Variants in MEF2C observed in about 807,000 individuals in gnomAD.
MEF2C encodes the protein myocyte enhancer factor 2C.
Under a neutral mutation model 50.5 loss-of-function variants are expected in MEF2C, and 6 were observed. The ratio of observed to expected loss-of-function variants is 0.12; its 90% confidence interval spans 0.07 to 0.23. MEF2C has a LOEUF of 0.23. MEF2C is among the 10% of genes least tolerant of loss of function. MEF2C has a pLI of 1.00. For missense variants in MEF2C, 276 were observed against 605.0 expected (o/e 0.46, Z 5.70); for synonymous variants, 183 against 228.0 (o/e 0.80, Z 1.78).
At chr5:88,723,654 T>A (rs1166780548) in intron 10 of MEF2C, among the ~76,000 whole-genome samples, 2 of 152,246 alleles carry the variant, frequency 1.3e-5, no homozygotes, top group Non-Finnish European at 1.5e-5. Context: ...TGCAGTTACA[T>A]GAGATGAAAA....
chr5:88,813,830 G>A (rs1804015021), intron 2 of MEF2C, among the ~76,000 whole-genome samples: 1 of 151,858 alleles, frequency 6.6e-6, no homozygotes, highest in South Asian at 2.1e-4. Flanking sequence ...TTTGGGATTC[G>A]TATACCCAGC....
At chr5:88,884,187 G>C (rs1244544080), upstream of MEF2C, 2 of 152,244 alleles carry the variant, frequency 1.3e-5, no homozygotes, top group Non-Finnish European at 2.9e-5. Context: ...CAGCCAGCAG[G>C]AAAGTCCTTC....
chr5:88,728,945 A>G (rs1206160133), intron 9 of MEF2C, among the ~76,000 whole-genome samples: 1 of 152,196 alleles, frequency 6.6e-6, no homozygotes, highest in African/African-American at 2.4e-5. Flanking sequence ...ATCCTGAGAA[A>G]GTGAGCTTTT....
At chr5:88,849,022 C>A (rs1820321433) in intron 1 of MEF2C, among the ~76,000 whole-genome samples, 1 of 151,566 alleles carries the variant, frequency 6.6e-6, no homozygotes, top group Non-Finnish European at 1.5e-5. Context: ...ATGGTGGCGC[C>A]TGCCTGTAAT....
chr5:88,740,497 T>G, intron 6 of MEF2C: 1 of 982,698 alleles, frequency 1.0e-6, no homozygotes, highest in Non-Finnish European at 1.2e-6. Context: ...ATGAGGAAAC[T>G]GAGGCTTAAG....
At chr5:88,730,292 C>A in intron 7 of MEF2C, 58 bp from the exon 8 acceptor site, 2 of 1,537,092 alleles carry the variant, frequency 1.3e-6, no homozygotes, top group Non-Finnish European at 1.8e-6. Context: ...TATAATTGGG[C>A]AAAATCTTTT....
intron 3 of MEF2C, among the ~76,000 whole-genome samples, chr5:88,764,807 C>CAAAA (rs869119169): frequency 1.2e-3 from 87 of 73,542 alleles, no homozygotes; most frequent in African/African-American, 1.3e-3. Context: ...GACTCCATCT[C>CAAAA]AAAAAAAAAA....
intron 1 of MEF2C, among the ~76,000 whole-genome samples, chr5:88,876,021 ACT>A (rs1396822776): frequency 4.7e-5 from 7 of 148,008 alleles, no homozygotes; most frequent in African/African-American, 1.2e-4. Flanking sequence ...GAGTGTAATT[ACT>A]GTTTTTTAAA....
intron 3 of MEF2C, chr5:88,768,615 G>T (rs962913583): frequency 5.0e-5 from 44 of 885,902 alleles, no homozygotes; most frequent in Non-Finnish European, 4.7e-5. Flanking sequence ...GGCCTGGCAA[G>T]TGGTCGGAAC....
chr5:88,820,065 T>A (rs1807505134), intron 2 of MEF2C, among the ~76,000 whole-genome samples: 1 of 123,854 alleles, frequency 8.1e-6, no homozygotes, highest in Admixed American at 8.2e-5. Context: ...TTAATAAAAA[T>A]TATTTGTAAT....
chr5:88,730,234 A>T lies in MEF2C; in HGVS notation c.811T>A (p.Ser271Thr). 6.3e-7 allele frequency: 1 copy of T among 1,579,438 alleles called. No homozygotes were observed. Among genetic ancestry groups the T allele is most frequent in the Non-Finnish European group, 8.6e-7 (1 of 1,161,440 alleles). Residue 271 changes from serine (S) to threonine (T), a missense_variant and splice_region_variant, in exon 8 of 11, where the codon TCT (serine) becomes ACT (threonine). Physicochemically the swap from Ser to Thr is moderately conservative, Grantham distance 58 (BLOSUM62 1). Transcript: ENST00000504921. ...ACCAAAAGCAGGTCGACATCCTCAG[A>T]CTGAGAGCATGCGGAAGGAGTTTTA... ...PGSKNTMPSV[S>T]EDVDLLLNQR... is the part of the protein sequence containing the mutation.
At chr5:88,795,075 G>A (rs980421900) in intron 3 of MEF2C, among the ~76,000 whole-genome samples, 4 of 152,130 alleles carry the variant, frequency 2.6e-5, no homozygotes, top group Non-Finnish European at 5.9e-5. Context: ...GTCAGGTAGC[G>A]TGATGCCTTC....
chr5:88,901,693 T>C (rs1289840970), intron 1 of MEF2C, among the ~76,000 whole-genome samples: 2 of 151,958 alleles, frequency 1.3e-5, no homozygotes, highest in African/African-American at 4.8e-5. Flanking sequence ...AATAAACCAT[T>C]CCCATACATT....
At chr5:88,776,008 T>C (rs1222028523) in intron 3 of MEF2C, 3 of 162,136 alleles carry the variant, frequency 1.9e-5, no homozygotes, top group Admixed American at 1.3e-4. Context: ...CCCTTTTTGT[T>C]GATATATTTC....
intron 1 of MEF2C, chr5:88,824,427 CT>C: frequency 1.2e-6 from 1 of 834,640 alleles, no homozygotes; most frequent in Non-Finnish European, 1.4e-6. Context: ...TATGAAAGTG[CT>C]ATTTGATATA....
At chr5:88,851,567 T>C (rs1349900381) in intron 1 of MEF2C, among the ~76,000 whole-genome samples, 1 of 152,116 alleles carries the variant, frequency 6.6e-6, no homozygotes, top group Admixed American at 6.6e-5. Context: ...ACCCACTCAA[T>C]ATAAACAGCC....
chr5:88,901,126 G>A (rs1835609522), intron 1 of MEF2C, among the ~76,000 whole-genome samples: 1 of 152,028 alleles, frequency 6.6e-6, no homozygotes, highest in Non-Finnish European at 1.5e-5. Context: ...AGGGAAATGA[G>A]TTAATGACAA....
At chr5:88,786,681 T>A (rs545721323) in intron 3 of MEF2C, among the ~76,000 whole-genome samples, 1 of 150,648 alleles carries the variant, frequency 6.6e-6, no homozygotes, top group Admixed American at 6.6e-5. Context: ...CTGCTACATA[T>A]ACATACTACA....
intron 1 of MEF2C, chr5:88,843,471 C>T: frequency 2.0e-6 from 2 of 984,992 alleles, no homozygotes; most frequent in South Asian, 4.7e-5. Flanking sequence ...ATTAGGCAGA[C>T]AATTTATGTT....
Sources: gnomAD v4.1 joint callset for allele counts (sites outside exome capture counted in the v4.1 genomes callset) on GRCh38, gnomAD v4.1.1 for gene constraint, MANE v1.5 for transcripts, NCBI Gene and HGNC (gene_info 2026-07-23, HGNC 2026-07-21) for gene names.